The following GK variants were observed in gnomAD, a reference collection of about 807,000 sequenced individuals.
The protein encoded by GK is glycerol kinase.
Under a neutral mutation model 56.4 loss-of-function variants are expected in GK, and 9 were observed. The ratio of observed to expected loss-of-function variants is 0.16; its 90% CI spans 0.10 to 0.28. The LOEUF is 0.28. Ranked by LOEUF, GK falls within the 10% of genes least tolerant of loss-of-function variation. GK has a pLI of 1.00. For synonymous variants in GK, 104 were observed against 144.1 expected (o/e 0.72, Z 1.99); for missense variants, 161 against 431.4 (o/e 0.37, Z 5.55).
chrX:30,665,550 C>A lies in GK; in HGVS notation c.118C>A (p.Gln40Lys). ...AACAGCTGAACTACTTAGTCATCATCAAGTAGAAATAAAACAAGAGTTCCC... is the reference window on the plus strand; with the variant it reads ...AACAGCTGAACTACTTAGTCATCATAAAGTAGAAATAAAACAAGAGTTCCC... ...SKTAELLSHH[Q>K]VEIKQEFPRE... The change falls in exon 2 of 21, where the codon CAA (glutamine) becomes AAA (lysine). Residue 40 changes from glutamine to lysine, a missense_variant. Gln to Lys is a moderately conservative substitution (Grantham distance 53). Transcript: ENST00000427190. 8.7e-7 allele frequency: 1 copy of A among 1,143,726 alleles called. No homozygotes were observed. Among genetic ancestry groups the A allele is most frequent in the Non-Finnish European group, 1.2e-6 (1 of 833,910 alleles). 94.3% of individuals were successfully genotyped at this position (1,143,726 alleles called of 1,213,427 possible).
intron 7 of GK, 127 bp from the exon 8 acceptor site, chrX:30,696,490 A>G (rs1935242794): frequency 3.8e-6 from 2 of 522,884 alleles, no homozygotes; most frequent in Non-Finnish European, 6.7e-6. Context: ...ATTTATTGCT[A>G]TCTAACTCCA....
chrX:30,704,128 T>TTATATA (rs752736589), intron 11 of GK, among the ~76,000 whole-genome samples: 904 of 74,891 alleles, frequency 0.012, 47 homozygotes, highest in African/African-American at 0.035. Context: ...GTTATTCATT[T>TTATATA]TATATATATA....
chrX:30,700,273 T>C, intron 9 of GK, 141 bp from the exon 10 acceptor site: 1 of 455,280 alleles, frequency 2.2e-6, no homozygotes, highest in Non-Finnish European at 3.9e-6. Context: ...CTCTTTATCA[T>C]TCATTTAGTT....
chrX:30,654,541 G>C (rs1166748812), intron 1 of GK, among the ~76,000 whole-genome samples: 1 of 110,883 alleles, frequency 9.0e-6, no homozygotes, highest in African/African-American at 3.3e-5. Context: ...TCAGGAGTTC[G>C]AGACCAGCCT....
At chrX:30,668,865 G>A (rs1933268273) in intron 3 of GK, among the ~76,000 whole-genome samples, 1 of 111,260 alleles carries the variant, frequency 9.0e-6, no homozygotes, top group Admixed American at 9.7e-5. Context: ...GAAGTCCTGA[G>A]AGAGGATGGT....
intron 3 of GK, among the ~76,000 whole-genome samples, chrX:30,675,395 C>A (rs1299507982): frequency 9.3e-6 from 1 of 107,967 alleles, no homozygotes; most frequent in Non-Finnish European, 1.9e-5. Context: ...GATGGGGTTT[C>A]ACCGTGTTAG....
intron 4 of GK, among the ~76,000 whole-genome samples, chrX:30,690,896 A>G (rs1242071631): frequency 8.9e-6 from 1 of 111,903 alleles, no homozygotes; most frequent in Non-Finnish European, 1.9e-5. Flanking sequence ...TTATTCTCCT[A>G]ACTTGGTCTG....
chrX:30,693,985 T>C (rs896084154), intron 5 of GK, among the ~76,000 whole-genome samples: 3 of 112,358 alleles, frequency 2.7e-5, no homozygotes, highest in African/African-American at 9.7e-5. Context: ...TTTCTGGTTA[T>C]GATCATTAGT....
intron 8 of GK, among the ~76,000 whole-genome samples, chrX:30,697,475 C>G (rs1332047560): frequency 8.9e-6 from 1 of 111,869 alleles, no homozygotes; most frequent in Non-Finnish European, 1.9e-5. Flanking sequence ...GAATTTTTAA[C>G]TGTTTTATTT....
At chrX:30,660,761 C>G (rs1244093712) in intron 1 of GK, among the ~76,000 whole-genome samples, 1 of 107,957 alleles carries the variant, frequency 9.3e-6, no homozygotes, top group East Asian at 2.9e-4. Flanking sequence ...TGTCAACTAC[C>G]TTTCTGGCCC....
chrX:30,706,130 A>C (rs913117921), intron 11 of GK, among the ~76,000 whole-genome samples: 4 of 112,207 alleles, frequency 3.6e-5, no homozygotes, highest in Non-Finnish European at 5.6e-5. Context: ...TTTGACAAGT[A>C]TCTTTACAAA....
chrX:30,701,345 G>A (rs1223284771), intron 11 of GK, among the ~76,000 whole-genome samples: 2 of 112,324 alleles, frequency 1.8e-5, no homozygotes, highest in Non-Finnish European at 3.8e-5. Context: ...GGAGGTGGAG[G>A]TTGCGGTGAG....
chrX:30,653,442 G>T lies in GK; in HGVS notation c.-96G>T. 1 of 756,449 alleles carries T rather than the reference G, an allele frequency of 1.3e-6. No homozygotes were observed. The highest frequency in any genetic ancestry group is 2.1e-6 in the Non-Finnish European group (1 of 482,432). The allele number at this position is 756,449 out of a possible 1,213,427, so 62.3% of individuals were successfully genotyped here. On this transcript the variant is annotated 5_prime_UTR_variant, in exon 1 of 21. Coordinates refer to ENST00000427190, the MANE Select transcript of GK (RefSeq NM_001205019.2). ...GTCCGAGCGTTCAGCGGACGCGCGC[G>T]GCCTCGATCTCTGGACTCGTCACCT...
chrX:30,665,387 T>C, intron 1 of GK, 124 bp from the exon 2 acceptor site: 1 of 499,427 alleles, frequency 2.0e-6, no homozygotes, highest in East Asian at 3.8e-5. Flanking sequence ...TGGAACATCT[T>C]ATATGGCATT....
rs1188831917 is a variant in GK, at chrX:30,730,442, A to G, written c.*1700A>G. The G allele has an allele frequency of 8.9e-6, 1 of 112,043 alleles. No individual in the cohort carries two copies. Among genetic ancestry groups the G allele is most frequent in the African/African-American group, 3.2e-5 (1 of 30,834 alleles). 9.2% of individuals were successfully genotyped at this position (112,043 alleles called of 1,213,427 possible). On this transcript the variant is annotated 3_prime_UTR_variant, in exon 21 of 21. Transcript: ENST00000427190. ...GGTACTTTTAAACATAAATGTTTCTACAAAAGTAGGTTGAGTTCATTGTAA... is the reference window on the plus strand; with the variant it reads ...GGTACTTTTAAACATAAATGTTTCTGCAAAAGTAGGTTGAGTTCATTGTAA...
chrX:30,663,456 T>A (rs1932848975), intron 1 of GK, among the ~76,000 whole-genome samples: 1 of 111,696 alleles, frequency 9.0e-6, no homozygotes, highest in Non-Finnish European at 1.9e-5. Context: ...CAAATGGAAC[T>A]GGCTTCCTAG....
At chrX:30,675,532 T>C (rs868056255) in intron 3 of GK, among the ~76,000 whole-genome samples, 5 of 105,278 alleles carry the variant, frequency 4.7e-5, no homozygotes, top group Non-Finnish European at 7.8e-5. Flanking sequence ...TTTTTTTTTT[T>C]TTTTGAGACA....
chrX:30,711,714 A>C (rs1936330867), intron 13 of GK, among the ~76,000 whole-genome samples: 1 of 112,290 alleles, frequency 8.9e-6, no homozygotes, highest in South Asian at 3.7e-4. Flanking sequence ...CAAATCATAA[A>C]AGCCTTTTTT....
intron 13 of GK, among the ~76,000 whole-genome samples, chrX:30,713,072 T>C (rs753806584): frequency 6.3e-5 from 7 of 111,659 alleles, no homozygotes; most frequent in Non-Finnish European, 1.9e-5. Flanking sequence ...TCGTATAGTT[T>C]AGAATTGTCA....
Sources: gnomAD v4.1 joint callset for allele counts (sites outside exome capture counted in the v4.1 genomes callset) on GRCh38, gnomAD v4.1.1 for gene constraint, MANE v1.5 for transcripts, NCBI Gene and HGNC (gene_info 2026-07-23, HGNC 2026-07-21) for gene names.